Variants in SGCZ observed in about 807,000 individuals in gnomAD.
The protein encoded by SGCZ is sarcoglycan zeta.
In SGCZ, 40 loss-of-function variants were observed where a neutral mutation model predicts 41.3. That is an observed-to-expected ratio of 0.97 (90% CI 0.75 to 1.26). The LOEUF (loss-of-function observed/expected upper bound fraction) is 1.26. SGCZ is among the 50% of genes most tolerant of loss of function. The probability of loss-of-function intolerance (pLI) is 0.00; values close to 1 mark genes in which losing one functional copy is unlikely to be tolerated. For synonymous variants in SGCZ, 206 were observed against 137.5 expected, an observed-to-expected ratio of 1.50 and a Z score of -3.49; for missense variants, 552 against 369.8, an observed-to-expected ratio of 1.49 and a Z score of -4.04.
intron 2 of SGCZ, among the ~76,000 whole-genome samples, chr8:14,511,071 CTAGGTGAATT>C (rs1802452931): frequency 6.6e-6 from 1 of 151,892 alleles, no homozygotes; most frequent in Non-Finnish European, 1.5e-5. Flanking sequence ...ACCCAAATCA[CTAGGTGAATT>C]TAGGATGAAT....
intron 1 of SGCZ, among the ~76,000 whole-genome samples, chr8:15,049,667 G>T (rs796601158): frequency 7.2e-5 from 11 of 152,244 alleles, no homozygotes; most frequent in African/African-American, 2.6e-4. Flanking sequence ...GCAGGTTAAA[G>T]TGAGAGATGG....
At chr8:14,512,034 G>A (rs1802482049) in intron 2 of SGCZ, among the ~76,000 whole-genome samples, 1 of 152,152 alleles carries the variant, frequency 6.6e-6, no homozygotes, top group African/African-American at 2.4e-5. Context: ...ATTCTTGGAT[G>A]TGAAATTTTC....
At chr8:14,591,142 C>A (rs1805227536) in intron 1 of SGCZ, among the ~76,000 whole-genome samples, 3 of 151,444 alleles carry the variant, frequency 2.0e-5, no homozygotes, top group Admixed American at 2.0e-4. Context: ...CTTTTATTTT[C>A]TCTCTTCATA....
chr8:14,497,401 T>C (rs1802020531), intron 2 of SGCZ, among the ~76,000 whole-genome samples: 1 of 152,134 alleles, frequency 6.6e-6, no homozygotes, highest in Admixed American at 6.6e-5. Context: ...GAGCAAGAAC[T>C]CACTTACCAC....
At chr8:14,248,674 G>GA (rs1347593295) in intron 3 of SGCZ, among the ~76,000 whole-genome samples, 2 of 151,800 alleles carry the variant, frequency 1.3e-5, no homozygotes, top group Non-Finnish European at 2.9e-5. Context: ...GAGCTTAAGA[G>GA]AAAAAATTGC....
At chr8:15,188,692 G>C (rs1241063574) in intron 1 of SGCZ, among the ~76,000 whole-genome samples, 1 of 152,128 alleles carries the variant, frequency 6.6e-6, no homozygotes, top group Non-Finnish European at 1.5e-5. Flanking sequence ...CTGTTTTAAA[G>C]TTTTTCAATC....
At chr8:14,335,994 T>A (rs1802493100) in intron 2 of SGCZ, among the ~76,000 whole-genome samples, 1 of 152,100 alleles carries the variant, frequency 6.6e-6, no homozygotes, top group Non-Finnish European at 1.5e-5. Context: ...AGGGGTTTGT[T>A]ATACAGATTA....
intron 2 of SGCZ, among the ~76,000 whole-genome samples, chr8:14,442,737 T>C (rs1479204503): frequency 6.6e-6 from 1 of 152,208 alleles, no homozygotes; most frequent in Admixed American, 6.5e-5. Context: ...TTCTGATTTG[T>C]TTCATTGATT....
At chr8:14,200,819 C>T (rs1805432077) in intron 4 of SGCZ, among the ~76,000 whole-genome samples, 1 of 152,058 alleles carries the variant, frequency 6.6e-6, no homozygotes, top group Non-Finnish European at 1.5e-5. Flanking sequence ...AATTTAAAAG[C>T]TGCTCTTTAA....
intron 1 of SGCZ, among the ~76,000 whole-genome samples, chr8:15,219,239 G>C (rs1424508293): frequency 6.6e-6 from 1 of 152,036 alleles, no homozygotes; most frequent in Non-Finnish European, 1.5e-5. Context: ...CATACATGTG[G>C]ATTACTCTCA....
intron 3 of SGCZ, among the ~76,000 whole-genome samples, chr8:14,266,522 TG>T (rs1265028235): frequency 6.6e-6 from 1 of 152,100 alleles, no homozygotes; most frequent in Non-Finnish European, 1.5e-5. Context: ...AGGACATGTC[TG>T]CACTAGGAAC....
intron 1 of SGCZ, among the ~76,000 whole-genome samples, chr8:14,676,820 G>A (rs1195756409): frequency 1.3e-5 from 2 of 152,100 alleles, no homozygotes; most frequent in Non-Finnish European, 2.9e-5. Flanking sequence ...TATTTTCTAA[G>A]CTTAATAATA....
intron 1 of SGCZ, among the ~76,000 whole-genome samples, chr8:14,681,796 T>C (rs1808454839): frequency 6.6e-6 from 1 of 152,162 alleles, no homozygotes; most frequent in Admixed American, 6.6e-5. Context: ...TTTTTTAATG[T>C]TCTCCTCTTG....
intron 1 of SGCZ, among the ~76,000 whole-genome samples, chr8:15,154,803 G>A (rs1308001489): frequency 1.3e-5 from 2 of 152,164 alleles, no homozygotes; most frequent in South Asian, 2.1e-4. Flanking sequence ...TTTATATCCT[G>A]CCAGAATTTG....
intron 2 of SGCZ, among the ~76,000 whole-genome samples, chr8:14,440,082 C>A (rs750828221): frequency 1.6e-4 from 25 of 151,944 alleles, no homozygotes; most frequent in Non-Finnish European, 1.9e-4. Context: ...TTAGGTCCAA[C>A]TGTGTTCTTA....
intron 2 of SGCZ, among the ~76,000 whole-genome samples, chr8:14,446,773 T>A (rs1199957077): frequency 6.6e-6 from 1 of 152,192 alleles, no homozygotes; most frequent in Non-Finnish European, 1.5e-5. Flanking sequence ...CCCTGGTATA[T>A]ACTAAAGTAC....
intron 1 of SGCZ, among the ~76,000 whole-genome samples, chr8:14,663,043 G>C (rs1195618481): frequency 6.6e-6 from 1 of 152,164 alleles, no homozygotes; most frequent in Non-Finnish European, 1.5e-5. Flanking sequence ...AGGATGTCCA[G>C]AAAGAAATGC....
intron 4 of SGCZ, among the ~76,000 whole-genome samples, chr8:14,216,895 G>T (rs536127477): frequency 6.6e-6 from 1 of 152,236 alleles, no homozygotes; most frequent in East Asian, 1.9e-4. Context: ...CTGGGGGTAG[G>T]AGCAAAAAGA....
intron 1 of SGCZ, among the ~76,000 whole-genome samples, chr8:15,235,166 G>T (rs1042399456): frequency 1.3e-5 from 2 of 152,132 alleles, no homozygotes; most frequent in Non-Finnish European, 2.9e-5. Flanking sequence ...GAATGTCTAG[G>T]AAACCAAGCC....
Sources: gnomAD v4.1 joint callset for allele counts (sites outside exome capture counted in the v4.1 genomes callset) on GRCh38, gnomAD v4.1.1 for gene constraint, MANE v1.5 for transcripts, NCBI Gene and HGNC (gene_info 2026-07-23, HGNC 2026-07-21) for gene names.